MBD5: variants seen among roughly 807,000 people sequenced by gnomAD.
The protein encoded by MBD5 is methyl-CpG-binding domain protein 5.
MBD5 carries 13 observed loss-of-function variants against 117.3 expected under a neutral mutation model. That is an observed-to-expected ratio of 0.11 (90% CI 0.07 to 0.18). The LOEUF (loss-of-function observed/expected upper bound fraction) is 0.18, where lower values mean the gene tolerates loss of function less well. Ranked by LOEUF, MBD5 falls within the 10% of genes least tolerant of loss-of-function variation. The pLI is 1.00. For synonymous variants in MBD5, 727 were observed against 766.4 expected (o/e 0.95, Z 0.85); for missense variants, 1,879 against 2,093.8 (o/e 0.90, Z 2.00).
chr2:148,316,839 A>G (rs1458305737), intron 3 of MBD5, among the ~76,000 whole-genome samples: 1 of 152,220 alleles, frequency 6.6e-6, no homozygotes, highest in Non-Finnish European at 1.5e-5. Context: ...AAAGTCAAGA[A>G]TATTCAGAAG....
intron 4 of MBD5, among the ~76,000 whole-genome samples, chr2:148,431,493 A>G (rs1398527420): frequency 1.3e-5 from 2 of 152,000 alleles, no homozygotes; most frequent in African/African-American, 4.8e-5. Flanking sequence ...TCACCCAGGT[A>G]ATAAGCATAC....
chr2:148,060,635 T>C (rs1695011832), intron 1 of MBD5, among the ~76,000 whole-genome samples: 1 of 152,188 alleles, frequency 6.6e-6, no homozygotes, highest in African/African-American at 2.4e-5. Flanking sequence ...TGTTACAGAA[T>C]TAAACAGAAG....
Position 148,468,336 on chromosome 2 carries a change from A to G in MBD5, c.398-5A>G, listed in dbSNP as rs981610937. 3 of 1,612,614 alleles carry G rather than the reference A, an allele frequency of 1.9e-6. No individual in the cohort carries two copies. Among genetic ancestry groups the G allele is most frequent in the African/African-American group, 1.3e-5 (1 of 74,796 alleles). ...ACAGAATTCTTTTTTTCTCTTTCAC[A>G]TCAGATGCAACTCCAGTAGTACCTT... On this transcript the variant is annotated splice_region_variant and splice_polypyrimidine_tract_variant and intron_variant, in intron 7 of 13. Coordinates refer to ENST00000642680, the MANE Select transcript of MBD5 (RefSeq NM_001378120.1).
intron 4 of MBD5, among the ~76,000 whole-genome samples, chr2:148,454,680 T>C (rs1424688036): frequency 6.6e-6 from 1 of 152,004 alleles, no homozygotes; most frequent in Non-Finnish European, 1.5e-5. Flanking sequence ...GGGTGAGGGA[T>C]AGTATTTAAC....
chr2:148,266,255 G>A (rs1230591929), intron 3 of MBD5, among the ~76,000 whole-genome samples: 2 of 151,986 alleles, frequency 1.3e-5, no homozygotes, highest in African/African-American at 4.8e-5. Flanking sequence ...AAATCTATCA[G>A]TGTAATCTGT....
Position 148,439,800 on chromosome 2 carries a change from A to G in MBD5, c.-556-18403A>G, listed in dbSNP as rs536567369. 1.2e-4 allele frequency among the ~76,000 whole-genome samples: 17 copies of G among 145,738 alleles called. 1 individual carries two copies. In the South Asian group the frequency reaches 3.6e-3, roughly 31 times the overall value. On this transcript the variant is annotated intron_variant, in intron 4 of 13. Coordinates refer to ENST00000642680, the MANE Select transcript of MBD5 (RefSeq NM_001378120.1). ...TGTCGCCCAACTGAAGTGCAGTGGT[A>G]TGATCATAGTTTATTGCAACCTCAA...
At chr2:148,392,963 T>A (rs1704608195) in intron 4 of MBD5, among the ~76,000 whole-genome samples, 1 of 152,196 alleles carries the variant, frequency 6.6e-6, no homozygotes, top group Non-Finnish European at 1.5e-5. Context: ...ATTGGAAACA[T>A]TTTTAAAAAC....
chr2:148,023,588 G>T (rs1693824460), intron 1 of MBD5, among the ~76,000 whole-genome samples: 2 of 152,154 alleles, frequency 1.3e-5, no homozygotes, highest in South Asian at 2.1e-4. Flanking sequence ...TCCTTGTAAG[G>T]TTTCTTGTTC....
rs1680676580 is a variant in MBD5 at position 148,468,669 on chromosome 2, C to A, written c.726C>A (p.Asp242Glu). The A allele has an allele frequency of 2.5e-6, 4 of 1,613,734 alleles. No individual in the cohort carries two copies. The highest frequency in any genetic ancestry group is 2.7e-5 in the African/African-American group (2 of 74,890). The stretch of plus-strand genomic sequence containing the variant: ...ATGGTTCAATCTCTCCAAGGACTGA[C>A]CCACTTGGAAGTCCTGATGTTTTCA... ...YGDGSISPRT[D>E]PLGSPDVFTR... is the part of the protein sequence containing the mutation. Residue 242 changes from aspartate (D) to glutamate (E), a missense_variant, in exon 8 of 14, where the codon GAC becomes GAA. By Grantham distance (45) the Asp-to-Glu change is conservative. This residue lies in a region of MBD5 where 1,666 missense variants were observed against 1,792.2 expected (regional missense o/e 0.93). Transcript: ENST00000642680.
chr2:148,180,022 A>G (rs1444951067), intron 2 of MBD5, among the ~76,000 whole-genome samples: 1 of 151,860 alleles, frequency 6.6e-6, no homozygotes, highest in Non-Finnish European at 1.5e-5. Context: ...CTAGTGCAGG[A>G]GTGTTTTTTC....
At chr2:148,219,237 C>G (rs983027241) in intron 2 of MBD5, among the ~76,000 whole-genome samples, 7 of 152,134 alleles carry the variant, frequency 4.6e-5, no homozygotes, top group Non-Finnish European at 8.8e-5. Context: ...TCATCAGTAT[C>G]GCTTTCCTCC....
chr2:148,037,168 C>T (rs1037639748), intron 1 of MBD5, among the ~76,000 whole-genome samples: 11 of 152,022 alleles, frequency 7.2e-5, no homozygotes, highest in Admixed American at 7.2e-4. Context: ...GAGATTTTTA[C>T]ATAAAGGCCA....
At chr2:148,325,484 A>T (rs1702421332) in intron 3 of MBD5, among the ~76,000 whole-genome samples, 1 of 152,134 alleles carries the variant, frequency 6.6e-6, no homozygotes, top group African/African-American at 2.4e-5. Context: ...TTTCGTTGGT[A>T]AGCTATTGAT....
At chr2:148,230,810 C>T (rs1432212559) in intron 2 of MBD5, among the ~76,000 whole-genome samples, 3 of 152,082 alleles carry the variant, frequency 2.0e-5, no homozygotes, top group Non-Finnish European at 2.9e-5. Context: ...CAGCAGGTTG[C>T]CTTGTTGCCC....
chr2:148,102,727 CACAGAGAGAGAGAG>C (rs765100677), intron 1 of MBD5, among the ~76,000 whole-genome samples: 30 of 62,912 alleles, frequency 4.8e-4, no homozygotes, highest in East Asian at 1.7e-3. Context: ...CACACACACA[CACAGAGAGAGAGAG>C]AGAGAGAGAG....
intron 3 of MBD5, among the ~76,000 whole-genome samples, chr2:148,288,942 C>T (rs1385552032): frequency 6.6e-6 from 1 of 152,162 alleles, no homozygotes; most frequent in Non-Finnish European, 1.5e-5. Flanking sequence ...AGTGATCTCT[C>T]TCATCTGAAT....
chr2:148,497,727 A>G (rs372815515), intron 11 of MBD5, among the ~76,000 whole-genome samples: 4 of 151,494 alleles, frequency 2.6e-5, no homozygotes, highest in Non-Finnish European at 4.4e-5. Flanking sequence ...CAAGGTTACA[A>G]TGAGCTATGA....
chr2:148,033,266 G>A (rs1436613784), intron 1 of MBD5, among the ~76,000 whole-genome samples: 1 of 152,130 alleles, frequency 6.6e-6, no homozygotes, highest in East Asian at 1.9e-4. Flanking sequence ...CAATACAGAT[G>A]CCAACTTTAT....
At chr2:148,299,242 C>T (rs1701726226) in intron 3 of MBD5, among the ~76,000 whole-genome samples, 1 of 152,096 alleles carries the variant, frequency 6.6e-6, no homozygotes, top group Non-Finnish European at 1.5e-5. Flanking sequence ...ATTCTTCTGC[C>T]TCAGGCTCCT....
Sources: allele counts gnomAD v4.1 joint callset (sites outside exome capture counted in the v4.1 genomes callset), GRCh38; gene constraint gnomAD v4.1.1; regional missense constraint gnomAD v4.1.1; transcripts MANE v1.5; gene names NCBI Gene and HGNC (gene_info 2026-07-23, HGNC 2026-07-21).